GATAD2B: variants seen among roughly 807,000 people sequenced by gnomAD.
GATAD2B encodes the protein transcriptional repressor p66-beta.
GATAD2B carries 8 observed loss-of-function variants against 64.3 expected under a neutral mutation model. The ratio of observed to expected loss-of-function variants is 0.12; its 90% CI spans 0.07 to 0.22. GATAD2B has a LOEUF of 0.22. GATAD2B is among the 10% of genes least tolerant of loss of function. The pLI, the probability that GATAD2B is intolerant of heterozygous loss-of-function variation, is 1.00. For synonymous variants in GATAD2B, 281 were observed against 271.3 expected, an observed-to-expected ratio of 1.04 and a Z score of -0.35; for missense variants, 453 against 752.0, an observed-to-expected ratio of 0.60 and a Z score of 4.65.
In GATAD2B at chr1:153,806,921, C is replaced by T. The variant is rs187479995; in HGVS notation, c.*3256G>A. 4 of 152,064 alleles carry T rather than the reference C, an allele frequency of 2.6e-5. No homozygotes were observed. The highest frequency in any genetic ancestry group is 5.9e-5 in the Non-Finnish European group (4 of 67,976). 9.4% of individuals were successfully genotyped at this position (152,064 alleles called of 1,614,324 possible). The stretch of plus-strand genomic sequence containing the variant: ...CTTTTAAAGGGGAAAGGAAAGGTAA[C>T]CAAAGCAGGAAAACATTTATCTCTG... On this transcript the variant is annotated 3_prime_UTR_variant, in exon 11 of 11. Transcript: ENST00000368655.
At chr1:153,815,290 A>AAC (rs1268672522) in intron 7 of GATAD2B, among the ~76,000 whole-genome samples, 6 of 145,572 alleles carry the variant, frequency 4.1e-5, no homozygotes, top group Admixed American at 6.8e-5. Context: ...CAAAAAAAAA[A>AAC]AACAAAAAAA....
At position 153,839,131 on chromosome 1, in the gene GATAD2B, A is replaced by AAAAAAAAAAG. The variant is rs1557795694; in HGVS notation, c.-1-10784_-1-10783insCTTTTTTTTT. ...CTCAAAAAAAAAAAAAAAAAAAAAA[A>AAAAAAAAAAG]AAAGAAAGTTTAAGGAAGAGAGTAG... is the stretch of plus-strand genomic sequence containing the variant. On this transcript the variant is annotated intron_variant, in intron 1 of 10. Coordinates refer to ENST00000368655, the MANE Select transcript of GATAD2B (RefSeq NM_020699.4). 2.0e-5 allele frequency among the ~76,000 whole-genome samples: 3 copies of AAAAAAAAAAG among 148,050 alleles called. No individual in the cohort carries two copies. The South Asian group carries it at 6.5e-4, about 32-fold the overall frequency.
At chr1:153,918,881 G>A (rs901633491) in intron 1 of GATAD2B, among the ~76,000 whole-genome samples, 6 of 152,060 alleles carry the variant, frequency 3.9e-5, no homozygotes, top group African/African-American at 1.2e-4. Context: ...AACCCAGGAG[G>A]CAGAGGTTGC....
At position 153,817,508 on chromosome 1, in the gene GATAD2B, G is replaced by A; in HGVS notation, c.764C>T (p.Thr255Ile). 1 of 1,607,724 alleles carries A rather than the reference G, an allele frequency of 6.2e-7. No homozygotes were observed. Among genetic ancestry groups the A allele is most frequent in the Non-Finnish European group, 8.5e-7 (1 of 1,177,902 alleles). Residue 255 changes from threonine to isoleucine, a missense_variant, in exon 6 of 11, where the codon ACC becomes ATC. Around this residue, in one of 2 missense-constraint regions of GATAD2B, gnomAD observed 293 missense variants for 417.2 expected, o/e 0.70. Transcript: ENST00000368655. The part of the protein sequence containing the change: ...HSVIRSATNT[T>I]LPHMLMSQRV... ...TTGAGACATCAACATGTGTGGAAGGGTGGTATTGGTAGCTGAACGGATGAC... is the reference window on the plus strand; with the variant it reads ...TTGAGACATCAACATGTGTGGAAGGATGGTATTGGTAGCTGAACGGATGAC...
intron 1 of GATAD2B, among the ~76,000 whole-genome samples, chr1:153,900,415 CA>C (rs954348785): frequency 3.4e-5 from 5 of 145,962 alleles, no homozygotes; most frequent in African/African-American, 5.0e-5. Context: ...GACTCCGTCT[CA>C]AAAAAAAAAG....
intron 1 of GATAD2B, among the ~76,000 whole-genome samples, chr1:153,851,024 T>C (rs1456968270): frequency 1.3e-5 from 2 of 152,112 alleles, no homozygotes; most frequent in Admixed American, 6.6e-5. Flanking sequence ...ATGTTGACTA[T>C]AGGTACAGTG....
chr1:153,913,274 A>C (rs1436243205), intron 1 of GATAD2B, among the ~76,000 whole-genome samples: 2 of 152,028 alleles, frequency 1.3e-5, no homozygotes, highest in Admixed American at 1.3e-4. Context: ...ACCTACATAT[A>C]AACTTTTAAA....
At chr1:153,866,904 C>CTA (rs1269109340) in intron 1 of GATAD2B, among the ~76,000 whole-genome samples, 1 of 152,144 alleles carries the variant, frequency 6.6e-6, no homozygotes, top group East Asian at 1.9e-4. Flanking sequence ...CCTCAGCCTC[C>CTA]TAAGTAGCTG....
Position 153,809,370 on chromosome 1 carries a change from C to G in GATAD2B, c.*807G>C, listed in dbSNP as rs1674212904. Reference sequence around the variant, plus strand: ...AAGGCAGGACCTAGTTTCAATCCTCCCTGGCTCATAATTGAGCCCATCTTC... The same window carrying G: ...AAGGCAGGACCTAGTTTCAATCCTCGCTGGCTCATAATTGAGCCCATCTTC... On this transcript the variant is annotated 3_prime_UTR_variant, in exon 11 of 11. Transcript: ENST00000368655. The G allele has an allele frequency of 6.6e-6, 1 of 152,244 alleles. No individual in the cohort carries two copies. The highest frequency in any genetic ancestry group is 2.1e-4 in the South Asian group (1 of 4,818). 9.4% of individuals were successfully genotyped at this position (152,244 alleles called of 1,614,324 possible). A position where few individuals can be genotyped will look rare whatever the true frequency, so the allele number is the denominator to read the frequency against.
chr1:153,900,373 TCATGC>T (rs1410261894), intron 1 of GATAD2B, among the ~76,000 whole-genome samples: 1 of 151,694 alleles, frequency 6.6e-6, no homozygotes. Flanking sequence ...TGAGCCGAGA[TCATGC>T]CATTGCACTC....
intron 1 of GATAD2B, among the ~76,000 whole-genome samples, chr1:153,876,587 A>T (rs1676843095): frequency 6.6e-6 from 1 of 152,236 alleles, no homozygotes; most frequent in South Asian, 2.1e-4. Context: ...GTGACAAGTT[A>T]GAGTGTGCTG....
At chr1:153,882,827 A>G (rs931328072) in intron 1 of GATAD2B, among the ~76,000 whole-genome samples, 1 of 152,130 alleles carries the variant, frequency 6.6e-6, no homozygotes, top group Non-Finnish European at 1.5e-5. Context: ...CCTGTTTTAG[A>G]GCAACTTGTT....
At chr1:153,864,925 C>T (rs1327115539) in intron 1 of GATAD2B, among the ~76,000 whole-genome samples, 10 of 151,998 alleles carry the variant, frequency 6.6e-5, no homozygotes, top group Non-Finnish European at 1.2e-4. Flanking sequence ...AAAAAATCAG[C>T]TGGGCACAGT....
intron 1 of GATAD2B, among the ~76,000 whole-genome samples, chr1:153,876,598 C>T (rs1335176784): frequency 6.6e-6 from 1 of 152,104 alleles, no homozygotes; most frequent in Non-Finnish European, 1.5e-5. Context: ...GAGTGTGCTG[C>T]CTAGAGGTAA....
chr1:153,857,519 A>G lies in GATAD2B; in HGVS notation c.-1-29171T>C, dbSNP rs570695838. Among the ~76,000 whole-genome samples the G allele has an allele frequency of 2.6e-5, 4 of 152,254 alleles. No individual in the cohort carries two copies. The South Asian group carries it at 8.3e-4, about 32-fold the overall frequency. On this transcript the variant is annotated intron_variant, in intron 1 of 10. Transcript: ENST00000368655. ...GAAAACGGATGCCCTTTTCTACTGT[A>G]GGCACTAATTAAATTAGTGGCACCT...
In GATAD2B at chr1:153,897,289, A is replaced by G. The variant is rs374300032; in HGVS notation, c.-2+25444T>C. On this transcript the variant is annotated intron_variant, in intron 1 of 10. Coordinates refer to ENST00000368655, the MANE Select transcript of GATAD2B (RefSeq NM_020699.4). ...CGTGATCCGCCCACCTCGGCCTCCGAAAGTGCTGGGATTACAGGCGTGAGC... is the reference window on the plus strand; with the variant it reads ...CGTGATCCGCCCACCTCGGCCTCCGGAAGTGCTGGGATTACAGGCGTGAGC... 7.8e-4 allele frequency among the ~76,000 whole-genome samples: 119 copies of G among 152,274 alleles called. 1 individual carries two copies. The highest frequency in any genetic ancestry group is 2.6e-3 in the African/African-American group (109 of 41,568).
Position 153,922,804 on chromosome 1 carries a change from G to A in GATAD2B, c.-73C>T, listed in dbSNP as rs965275293. 2 of 151,140 alleles carry A rather than the reference G, an allele frequency of 1.3e-5. No individual in the cohort carries two copies. Among genetic ancestry groups the A allele is most frequent in the African/African-American group, 2.5e-5 (1 of 40,788 alleles). The allele number at this position is 151,140 out of a possible 1,614,324, so 9.4% of individuals were successfully genotyped here. A position where few individuals can be genotyped will look rare whatever the true frequency, so the allele number is the denominator to read the frequency against. On this transcript the variant is annotated 5_prime_UTR_variant, in exon 1 of 11. Coordinates refer to ENST00000368655, the MANE Select transcript of GATAD2B (RefSeq NM_020699.4). ...CGGCGGAGGCGTCGAAAAAGGAAGA[G>A]GCGACGGCACAGGGGATCCAGACCC... is the stretch of plus-strand genomic sequence containing the variant.
At chr1:153,856,002 G>A (rs968936975) in intron 1 of GATAD2B, among the ~76,000 whole-genome samples, 2 of 152,176 alleles carry the variant, frequency 1.3e-5, no homozygotes, top group South Asian at 4.2e-4. Flanking sequence ...ATTTCTTCTG[G>A]AGTCTCTAGA....
chr1:153,876,227 CAAAAAAAAAAAAA>C lies in GATAD2B; in HGVS notation c.-2+46493_-2+46505del, dbSNP rs71093296. 6.3e-3 allele frequency among the ~76,000 whole-genome samples: 303 copies of C among 48,438 alleles called. 1 individual carries two copies. Among genetic ancestry groups the C allele is most frequent in the African/African-American group, 0.014 (172 of 12,354 alleles). The allele number at this position is 48,438 out of a possible 152,430, so 31.8% of individuals were successfully genotyped here. A position where few individuals can be genotyped will look rare whatever the true frequency, so the allele number is the denominator to read the frequency against. ...TGGGCAACACAGTGAGACTTCGTCT[CAAAAAAAAAAAAA>C]AAAAAAAAAAAAAAAAAAAAGATTT... On this transcript the variant is annotated intron_variant, in intron 1 of 10. Coordinates refer to ENST00000368655, the MANE Select transcript of GATAD2B (RefSeq NM_020699.4).
Sources: allele counts gnomAD v4.1 joint callset (sites outside exome capture counted in the v4.1 genomes callset), GRCh38; gene constraint gnomAD v4.1.1; regional missense constraint gnomAD v4.1.1; transcripts MANE v1.5; gene names NCBI Gene and HGNC (gene_info 2026-07-23, HGNC 2026-07-21).